The following NHSL1 variants were observed in gnomAD, a reference collection of about 807,000 sequenced individuals.
The protein encoded by NHSL1 is NHS-like protein 1.
Under a neutral mutation model 95.0 loss-of-function variants are expected in NHSL1, and 48 were observed. That is an observed-to-expected ratio of 0.51 (90% confidence interval 0.40 to 0.64). NHSL1 has a LOEUF of 0.64. Among genes scored for constraint, NHSL1 ranks in the 30% least tolerant of loss-of-function variants. NHSL1 has a pLI of 0.00. For missense variants in NHSL1, 1,971 were observed against 2,077.7 expected (o/e 0.95, Z 1.00); for synonymous variants, 783 against 833.9 (o/e 0.94, Z 1.05).
At chr6:138,615,107 C>T (rs2114610063) in intron 1 of NHSL1, among the ~76,000 whole-genome samples, 1 of 152,288 alleles carries the variant, frequency 6.6e-6, no homozygotes, top group Middle Eastern at 3.4e-3. Flanking sequence ...CAGGTCTCGG[C>T]TTGCAAAATT....
At chr6:138,501,159 G>A (rs1780653327), upstream of NHSL1, among the ~76,000 whole-genome samples, 1 of 152,320 alleles carries the variant, frequency 6.6e-6, no homozygotes, top group South Asian at 2.1e-4. Context: ...GTTCTTTCAA[G>A]AAACTCTGAT....
At chr6:138,570,818 A>G (rs1440233151) in intron 1 of NHSL1, among the ~76,000 whole-genome samples, 1 of 152,244 alleles carries the variant, frequency 6.6e-6, no homozygotes, top group East Asian at 1.9e-4. Context: ...TAAACATGGA[A>G]AACACAATCA....
Position 138,433,373 on chromosome 6 carries a change from A to C in NHSL1, c.972T>G (p.Ser324Arg), listed in dbSNP as rs1156922647. The change falls in exon 6 of 8, where the codon AGT becomes AGG. Residue 324 changes from serine to arginine, a missense_variant. By Grantham distance (110) the Ser-to-Arg change is moderately radical (BLOSUM62 -1). Coordinates refer to ENST00000343505, the MANE Select transcript of NHSL1 (RefSeq NM_001144060.2). ...SRLDSDAGFH[S>R]LPRSGARANI... ...TTGCCCTTGCTCCAGAACGCGGAAGACTATGGAAGCCAGCATCACTGTCAA... is the reference window on the plus strand; with the variant it reads ...TTGCCCTTGCTCCAGAACGCGGAAGCCTATGGAAGCCAGCATCACTGTCAA... 6.4e-7 allele frequency: 1 copy of C among 1,552,124 alleles called. No homozygotes were observed. The highest frequency in any genetic ancestry group is 8.7e-7 in the Non-Finnish European group (1 of 1,147,128).
intron 1 of NHSL1, among the ~76,000 whole-genome samples, chr6:138,658,684 T>G (rs1315354967): frequency 6.6e-6 from 1 of 152,208 alleles, no homozygotes; most frequent in African/African-American, 2.4e-5. Flanking sequence ...TGGTGATTTT[T>G]TTCATTTCCT....
At chr6:138,568,291 T>C (rs1306277655) in intron 1 of NHSL1, among the ~76,000 whole-genome samples, 1 of 152,236 alleles carries the variant, frequency 6.6e-6, no homozygotes, top group Non-Finnish European at 1.5e-5. Context: ...TATTTGCTTC[T>C]CCATTTAAGC....
At chr6:138,502,854 G>A (rs12193890), upstream of NHSL1, among the ~76,000 whole-genome samples, 32,419 of 152,048 alleles carry the variant, frequency 0.21, 3,904 homozygotes, top group East Asian at 0.42. Flanking sequence ...ACAGTACCTG[G>A]TATGTAAACA....
In NHSL1 at chr6:138,428,400, T is replaced by C. The variant is rs189136351; in HGVS notation, c.4085+1311A>G. Among the ~76,000 whole-genome samples the C allele has an allele frequency of 2.7e-3, 417 of 152,352 alleles. 5 individuals carry two copies. The highest frequency in any genetic ancestry group is 0.019 in the Admixed American group (298 of 15,304). On this transcript the variant is annotated intron_variant, in intron 7 of 7. Transcript: ENST00000343505. The stretch of plus-strand genomic sequence containing the variant: ...AAACATCTATGGGAACTTCTAGAAT[T>C]GCCACTGAAGTTTCAAAGGATGCAT...
chr6:138,658,319 C>T (rs931038253), intron 1 of NHSL1, among the ~76,000 whole-genome samples: 1 of 152,214 alleles, frequency 6.6e-6, no homozygotes, highest in Non-Finnish European at 1.5e-5. Flanking sequence ...ATAACTGAAA[C>T]TGTATACCCT....
chr6:138,542,097 C>T (rs1782604196), intron 1 of NHSL1, among the ~76,000 whole-genome samples: 1 of 152,082 alleles, frequency 6.6e-6, no homozygotes, highest in Admixed American at 6.6e-5. Context: ...AAGGGTGGAC[C>T]CTAAGTCCAA....
At position 138,433,221 on chromosome 6, in the gene NHSL1, C is replaced by G; in HGVS notation, c.1124G>C (p.Gly375Ala). ...TTTGGGTCTCAAAAGTGTTCCAGTC[C>G]CTGAGGCACCTCCTAAATGGCCTAA... ...ENLGHLGGAS[G>A]TGTLLRPKSQ... The change falls in exon 6 of 8, where the codon GGG becomes GCG. Residue 375 changes from glycine to alanine, a missense_variant. Gly to Ala is a moderately conservative substitution (Grantham distance 60, BLOSUM62 0). Around this residue, in one of 3 missense-constraint regions of NHSL1, gnomAD observed 1,602 missense variants for 1,654.5 expected, o/e 0.97. Transcript: ENST00000343505. The G allele has an allele frequency of 6.4e-7, 1 of 1,551,216 alleles. No individual in the cohort carries two copies. The highest frequency in any genetic ancestry group is 8.7e-7 in the Non-Finnish European group (1 of 1,146,736).
At chr6:138,566,123 C>A (rs568965864) in intron 1 of NHSL1, among the ~76,000 whole-genome samples, 7 of 152,030 alleles carry the variant, frequency 4.6e-5, no homozygotes, top group Non-Finnish European at 5.9e-5. Flanking sequence ...GTTGGCCAGG[C>A]GTGGTGGCTC....
intron 1 of NHSL1, chr6:138,512,480 G>C (rs1320819879): frequency 5.1e-5 from 14 of 275,826 alleles, no homozygotes; most frequent in Non-Finnish European, 7.1e-6. Flanking sequence ...TCGTCAACAG[G>C]ATAACTCTAT....
At chr6:138,516,358 G>A (rs1781461663) in intron 1 of NHSL1, among the ~76,000 whole-genome samples, 1 of 152,070 alleles carries the variant, frequency 6.6e-6, no homozygotes, top group South Asian at 2.1e-4. Context: ...ATTCCTAAAG[G>A]TTTTTCCAAT....
chr6:138,610,539 T>TAAAAAAAAAAA (rs1390403525), intron 1 of NHSL1, among the ~76,000 whole-genome samples: 3 of 114,598 alleles, frequency 2.6e-5, no homozygotes, highest in African/African-American at 1.4e-4. Flanking sequence ...AAAAGTATAA[T>TAAAAAAAAAAA]AATAAAAAAA....
At chr6:138,583,789 G>A (rs1784094908) in intron 1 of NHSL1, among the ~76,000 whole-genome samples, 1 of 152,174 alleles carries the variant, frequency 6.6e-6, no homozygotes, top group African/African-American at 2.4e-5. Flanking sequence ...TACAGAGCCA[G>A]AGAGCATATA....
At chr6:138,481,356 T>C (rs766433908) in intron 2 of NHSL1, among the ~76,000 whole-genome samples, 4 of 152,310 alleles carry the variant, frequency 2.6e-5, no homozygotes, top group Non-Finnish European at 5.9e-5. Context: ...GAGAAAGAAA[T>C]CATACTGATA....
intron 5 of NHSL1, among the ~76,000 whole-genome samples, chr6:138,436,317 C>T (rs112810742): frequency 0.012 from 1,765 of 152,196 alleles, 31 homozygotes; most frequent in African/African-American, 0.04. Context: ...AGAACATACA[C>T]AAATAAAAAA....
Position 138,512,450 on chromosome 6 carries a change from G to A in NHSL1, c.17-16079C>T, listed in dbSNP as rs377277709. 3,074 of 349,918 alleles carry A rather than the reference G, an allele frequency of 8.8e-3. 140 individuals carry two copies. Among genetic ancestry groups the A allele is most frequent in the South Asian group, 0.069 (3,001 of 43,460 alleles). 21.7% of individuals were successfully genotyped at this position (349,918 alleles called of 1,614,324 possible). A position where few individuals can be genotyped will look rare whatever the true frequency, so the allele number is the denominator to read the frequency against. Reference sequence around the variant, plus strand: ...CTCAGTAACCTCCCTCTTCTTCTTCGTTAATACAATTCTAACTGCTCGTCA... The same window carrying A: ...CTCAGTAACCTCCCTCTTCTTCTTCATTAATACAATTCTAACTGCTCGTCA... On this transcript the variant is annotated intron_variant, in intron 1 of 4. Coordinates refer to the NHSL1 transcript ENST00000342260.
chr6:138,449,675 CAAA>C (rs879337477), intron 3 of NHSL1, among the ~76,000 whole-genome samples: 2 of 116,854 alleles, frequency 1.7e-5, no homozygotes, highest in Admixed American at 8.7e-5. Flanking sequence ...GACTCTGTCT[CAAA>C]AAAAAAAAAA....
Sources: gnomAD v4.1 joint callset for allele counts (sites outside exome capture counted in the v4.1 genomes callset) on GRCh38, gnomAD v4.1.1 for gene constraint, gnomAD v4.1.1 regional missense constraint, MANE v1.5 for transcripts, NCBI Gene and HGNC (gene_info 2026-07-23, HGNC 2026-07-21) for gene names.